ZDHHC14: variants seen among roughly 807,000 people sequenced by gnomAD.
The protein encoded by ZDHHC14 is palmitoyltransferase ZDHHC14.
A neutral mutation model predicts 47.7 loss-of-function variants in ZDHHC14; 16 were observed. The ratio of observed to expected loss-of-function variants is 0.34; its 90% CI spans 0.23 to 0.51. The LOEUF (loss-of-function observed/expected upper bound fraction) is 0.51, where lower values mean the gene tolerates loss of function less well. ZDHHC14 is among the 20% of genes least tolerant of loss of function. ZDHHC14 has a pLI of 0.97. For missense variants in ZDHHC14, 515 were observed against 662.5 expected, an observed-to-expected ratio of 0.78 and a Z score of 2.44; for synonymous variants, 293 against 278.9, an observed-to-expected ratio of 1.05 and a Z score of -0.50.
At chr6:157,437,456 T>C (rs1778464067) in intron 1 of ZDHHC14, among the ~76,000 whole-genome samples, 1 of 152,092 alleles carries the variant, frequency 6.6e-6, no homozygotes, top group African/African-American at 2.4e-5. Flanking sequence ...CTTGAACAGG[T>C]TTGTCTCTGT....
At chr6:157,601,006 C>T (rs758644845) in intron 3 of ZDHHC14, among the ~76,000 whole-genome samples, 1 of 152,190 alleles carries the variant, frequency 6.6e-6, no homozygotes, top group East Asian at 1.9e-4. Context: ...GGATGGAAGG[C>T]GGTGAATCCC....
intron 2 of ZDHHC14, among the ~76,000 whole-genome samples, chr6:157,581,388 A>G (rs146025509): frequency 3.4e-3 from 510 of 151,814 alleles, no homozygotes; most frequent in African/African-American, 0.011. Context: ...AGAAGAATGT[A>G]TATTCTCTTG....
chr6:157,635,789 G>T (rs1460785456), intron 5 of ZDHHC14, among the ~76,000 whole-genome samples: 1 of 152,234 alleles, frequency 6.6e-6, no homozygotes, highest in Non-Finnish European at 1.5e-5. Flanking sequence ...GCAGCGGGAA[G>T]GAGTGCGGGA....
intron 1 of ZDHHC14, among the ~76,000 whole-genome samples, chr6:157,531,277 C>G (rs1257269532): frequency 1.4e-5 from 1 of 69,836 alleles, no homozygotes; most frequent in African/African-American, 7.7e-5. Flanking sequence ...GACTAAACAG[C>G]CTACAACGCC....
intron 1 of ZDHHC14, among the ~76,000 whole-genome samples, chr6:157,428,971 C>T (rs1303897558): frequency 2.6e-5 from 4 of 152,142 alleles, no homozygotes; most frequent in Admixed American, 2.6e-4. Context: ...TTGATTCCTT[C>T]CCTTCAAGGG....
chr6:157,478,600 G>C (rs1779546160), intron 1 of ZDHHC14, among the ~76,000 whole-genome samples: 1 of 152,154 alleles, frequency 6.6e-6, no homozygotes, highest in African/African-American at 2.4e-5. Flanking sequence ...TCAAAGAATG[G>C]TACCTTTACG....
chr6:157,610,317 A>G (rs1784704714), intron 3 of ZDHHC14, among the ~76,000 whole-genome samples: 1 of 152,188 alleles, frequency 6.6e-6, no homozygotes, highest in East Asian at 1.9e-4. Flanking sequence ...CTGTGGTCCC[A>G]GCTACTCGGG....
chr6:157,436,803 C>T (rs907744723), intron 1 of ZDHHC14, among the ~76,000 whole-genome samples: 11 of 152,206 alleles, frequency 7.2e-5, no homozygotes, highest in African/African-American at 2.6e-4. Flanking sequence ...ATGTTGGCTG[C>T]ATAGTGCCTG....
chr6:157,505,205 C>G (rs1209972389), intron 1 of ZDHHC14, among the ~76,000 whole-genome samples: 1 of 152,160 alleles, frequency 6.6e-6, no homozygotes, highest in Non-Finnish European at 1.5e-5. Context: ...AAAGCAAGGA[C>G]AGTTTCCTAG....
chr6:157,420,598 G>T (rs570951023), intron 1 of ZDHHC14, among the ~76,000 whole-genome samples: 17 of 152,346 alleles, frequency 1.1e-4, no homozygotes, highest in African/African-American at 4.1e-4. Context: ...CATTGAAGTG[G>T]TGGGCCATTA....
rs986861213 is a variant in ZDHHC14 at position 157,582,547 on chromosome 6, T to C, written c.407-10441T>C. 6.6e-6 allele frequency among the ~76,000 whole-genome samples: 1 copy of C among 152,232 alleles called. No homozygotes were observed. The highest frequency in any genetic ancestry group is 6.5e-5 in the Admixed American group (1 of 15,286). On this transcript the variant is annotated intron_variant, in intron 2 of 8. Coordinates refer to ENST00000359775, the MANE Select transcript of ZDHHC14 (RefSeq NM_024630.3). This position sits in a 1 kb window ranked among gnomAD's most constrained non-coding sequence, Gnocchi z 4.3. Reference sequence around the variant, plus strand: ...TGGAAATTCTTTTCTTTAAGAATGCTGAATATAGCCTGATCTCTTCTGGCT... The same window carrying C: ...TGGAAATTCTTTTCTTTAAGAATGCCGAATATAGCCTGATCTCTTCTGGCT...
intron 3 of ZDHHC14, among the ~76,000 whole-genome samples, chr6:157,620,540 T>G (rs1785146900): frequency 6.6e-6 from 1 of 152,248 alleles, no homozygotes; most frequent in South Asian, 2.1e-4. Context: ...AGTTTCTGCT[T>G]CTTCCAACAT....
intron 1 of ZDHHC14, among the ~76,000 whole-genome samples, chr6:157,395,521 C>T (rs937419066): frequency 6.6e-6 from 1 of 151,404 alleles, no homozygotes; most frequent in South Asian, 2.1e-4. Flanking sequence ...TTCCGCCGGG[C>T]GCGGTGGCTC....
At chr6:157,633,258 T>A (rs1026572900) in intron 5 of ZDHHC14, among the ~76,000 whole-genome samples, 1 of 152,230 alleles carries the variant, frequency 6.6e-6, no homozygotes, top group Non-Finnish European at 1.5e-5. Context: ...CATCCTGGCA[T>A]GCAGTCACCA....
intron 1 of ZDHHC14, among the ~76,000 whole-genome samples, chr6:157,472,011 G>T (rs1331774897): frequency 6.6e-6 from 1 of 152,164 alleles, no homozygotes; most frequent in African/African-American, 2.4e-5. Flanking sequence ...GGCAGGGCGG[G>T]TGTCCACCTG....
At chr6:157,552,532 A>C (rs1782275319) in intron 2 of ZDHHC14, among the ~76,000 whole-genome samples, 1 of 152,166 alleles carries the variant, frequency 6.6e-6, no homozygotes, top group African/African-American at 2.4e-5. Flanking sequence ...TGTGGAGGTA[A>C]CATGAAAGGC....
chr6:157,636,336 AGT>A (rs112041409), intron 5 of ZDHHC14, among the ~76,000 whole-genome samples: 375 of 149,226 alleles, frequency 2.5e-3, no homozygotes, highest in South Asian at 2.4e-3. Flanking sequence ...AGGATATATA[AGT>A]GTGTGTGTGT....
At chr6:157,585,403 A>G (rs1051029694) in intron 2 of ZDHHC14, among the ~76,000 whole-genome samples, 2 of 145,790 alleles carry the variant, frequency 1.4e-5, no homozygotes, top group African/African-American at 5.2e-5. Context: ...ACCAAAGGAA[A>G]CCAAAAATAC....
chr6:157,532,372 A>G (rs192754938), intron 1 of ZDHHC14, among the ~76,000 whole-genome samples: 132 of 152,378 alleles, frequency 8.7e-4, no homozygotes, highest in African/African-American at 1.5e-3. Flanking sequence ...GTTCAATTCC[A>G]TGAACATTGC....
Sources: gnomAD v4.1 joint callset for allele counts (sites outside exome capture counted in the v4.1 genomes callset) on GRCh38, gnomAD v4.1.1 for gene constraint, Gnocchi (gnomAD v3.1) non-coding constraint, MANE v1.5 for transcripts, NCBI Gene and HGNC (gene_info 2026-07-23, HGNC 2026-07-21) for gene names.